Variants in SLC35F3 observed in about 807,000 individuals in gnomAD.
The protein encoded by SLC35F3 is solute carrier family 35 member F3, also known as putative thiamine transporter SLC35F3.
In SLC35F3, 25 loss-of-function variants were observed where a neutral mutation model predicts 49.9. The observed-to-expected ratio is 0.50, with a 90% confidence interval of 0.37 to 0.70. The LOEUF (loss-of-function observed/expected upper bound fraction) is 0.70. SLC35F3 is among the 30% of genes least tolerant of loss of function. The pLI, the probability that SLC35F3 is intolerant of heterozygous loss-of-function variation, is 0.00. For synonymous variants in SLC35F3, 275 were observed against 265.4 expected (o/e 1.04, Z -0.35); for missense variants, 525 against 639.8 (o/e 0.82, Z 1.94).
In SLC35F3 at chr1:234,316,635, G is replaced by C. The variant is rs1311488441; in HGVS notation, c.862G>C (p.Val288Leu). Residue 288 changes from valine to leucine, a missense_variant, in exon 5 of 8, where the codon GTG (valine) becomes CTG (leucine). Val to Leu is a conservative substitution (Grantham distance 32). This residue lies in a region of SLC35F3 where 216 missense variants were observed against 298.1 expected (regional missense o/e 0.72). Coordinates refer to ENST00000366618, the MANE Select transcript of SLC35F3 (RefSeq NM_173508.4). The stretch of plus-strand genomic sequence containing the variant: ...CGCCATCCTCGCCATCGCTGGCATT[G>C]TGATGATGACCTACGCTGATGGCTT... Reference protein sequence around the residue: ...VAAILAIAGIVMMTYADGFHS... With the variant: ...VAAILAIAGILMMTYADGFHS... The C allele has an allele frequency of 6.2e-7, 1 of 1,611,926 alleles. No individual in the cohort carries two copies. The highest frequency in any genetic ancestry group is 8.5e-7 in the Non-Finnish European group (1 of 1,178,272).
intron 1 of SLC35F3, 36 bp downstream of exon 1, chr1:233,905,166 C>A: frequency 6.5e-7 from 1 of 1,548,582 alleles, no homozygotes; most frequent in Non-Finnish European, 8.7e-7. Context: ...AGCGAGCCGG[C>A]GGGCGGGAGG....
At chr1:234,130,411 C>T (rs573014546) in intron 2 of SLC35F3, among the ~76,000 whole-genome samples, 33 of 149,842 alleles carry the variant, frequency 2.2e-4, no homozygotes, top group Non-Finnish European at 3.3e-4. Flanking sequence ...GAGGCCGAGG[C>T]GGGCAGATCA....
At chr1:234,306,573 C>T (rs971177546) in intron 3 of SLC35F3, 6 of 152,388 alleles carry the variant, frequency 3.9e-5, no homozygotes, top group African/African-American at 1.4e-4. Context: ...GGCCAATTGT[C>T]TTGGTCTCAT....
At chr1:234,170,051 G>A (rs1294995834) in intron 2 of SLC35F3, among the ~76,000 whole-genome samples, 1 of 152,192 alleles carries the variant, frequency 6.6e-6, no homozygotes, top group Non-Finnish European at 1.5e-5. Flanking sequence ...ACAGGCGTGA[G>A]CCACTGCACC....
chr1:234,126,520 A>G (rs1281698487), intron 2 of SLC35F3, among the ~76,000 whole-genome samples: 2 of 115,968 alleles, frequency 1.7e-5, no homozygotes, highest in African/African-American at 6.2e-5. Context: ...TTTATTACCT[A>G]TGTAGGTTTA....
intron 2 of SLC35F3, among the ~76,000 whole-genome samples, chr1:234,062,702 C>T (rs750743310): frequency 6.7e-5 from 10 of 148,216 alleles, no homozygotes; most frequent in South Asian, 2.1e-4. Flanking sequence ...TTTTTTGAGA[C>T]GGAGCCTTGC....
intron 2 of SLC35F3, among the ~76,000 whole-genome samples, chr1:234,015,713 G>A (rs1021627597): frequency 6.6e-6 from 1 of 152,086 alleles, no homozygotes; most frequent in Admixed American, 6.6e-5. Flanking sequence ...ACTATAAGAA[G>A]AAGACATAGG....
chr1:234,100,931 T>C (rs112148721), intron 2 of SLC35F3, among the ~76,000 whole-genome samples: 275 of 152,312 alleles, frequency 1.8e-3, no homozygotes, highest in African/African-American at 6.3e-3. Flanking sequence ...GAGCTCTTTT[T>C]GGTGGTGATC....
At chr1:234,267,328 C>T (rs1476260506) in intron 3 of SLC35F3, among the ~76,000 whole-genome samples, 3 of 138,142 alleles carry the variant, frequency 2.2e-5, no homozygotes, top group Admixed American at 7.1e-5. Flanking sequence ...TTTCCCCACC[C>T]TTCCCGCCTT....
chr1:233,990,678 T>G (rs1412804806), intron 2 of SLC35F3, among the ~76,000 whole-genome samples: 1 of 152,186 alleles, frequency 6.6e-6, no homozygotes, highest in Non-Finnish European at 1.5e-5. Flanking sequence ...TTGACTTGAT[T>G]GCAGTAATCA....
At chr1:234,079,807 G>A (rs1664847774) in intron 2 of SLC35F3, among the ~76,000 whole-genome samples, 1 of 152,122 alleles carries the variant, frequency 6.6e-6, no homozygotes, top group East Asian at 1.9e-4. Context: ...TTCATATATT[G>A]CTGGTGAGAA....
chr1:234,236,843 G>A lies in SLC35F3; in HGVS notation c.608+5102G>A, dbSNP rs1667477571. ...TCTTTGATATCTATGTGGGCACGTGGACAGATGTGGATGACAATTGTTGTT... is the reference window on the plus strand; with the variant it reads ...TCTTTGATATCTATGTGGGCACGTGAACAGATGTGGATGACAATTGTTGTT... On this transcript the variant is annotated intron_variant, in intron 3 of 7. Transcript: ENST00000366618. 5.3e-5 allele frequency among the ~76,000 whole-genome samples: 8 copies of A among 150,220 alleles called. No individual in the cohort carries two copies. In the South Asian group the frequency reaches 1.7e-3, roughly 32 times the overall value.
intron 2 of SLC35F3, among the ~76,000 whole-genome samples, chr1:234,121,010 AG>A (rs1452784418): frequency 6.6e-6 from 1 of 152,162 alleles, no homozygotes; most frequent in African/African-American, 2.4e-5. Flanking sequence ...TAAAAATCTT[AG>A]GAACAAACTT....
At chr1:234,187,282 A>G (rs1240730576) in intron 2 of SLC35F3, among the ~76,000 whole-genome samples, 1 of 152,208 alleles carries the variant, frequency 6.6e-6, no homozygotes, top group Non-Finnish European at 1.5e-5. Context: ...AAAACCCACC[A>G]TTCTCACTTG....
intron 2 of SLC35F3, among the ~76,000 whole-genome samples, chr1:234,174,948 A>C (rs542191990): frequency 6.6e-6 from 1 of 152,352 alleles, no homozygotes; most frequent in South Asian, 2.1e-4. Flanking sequence ...CAAAGAGTTC[A>C]GTCCTCCTGG....
chr1:233,970,330 C>T (rs1369311203), intron 2 of SLC35F3, among the ~76,000 whole-genome samples: 5 of 152,180 alleles, frequency 3.3e-5, no homozygotes, highest in African/African-American at 7.2e-5. Flanking sequence ...ATCCAAACAA[C>T]GGCAAGACCC....
Position 234,138,121 on chromosome 1 carries a change from C to T in SLC35F3, c.284-93296C>T, listed in dbSNP as rs182963571. 9.5e-4 allele frequency among the ~76,000 whole-genome samples: 144 copies of T among 152,254 alleles called. No homozygotes were observed. In the Middle Eastern group the frequency reaches 0.031, roughly 32 times the overall value. ...CATGTCTGTGTACTTTGGAGTCAGA[C>T]CTGAAGTTCAGTTTCAACATCTATC... On this transcript the variant is annotated intron_variant, in intron 2 of 7. Transcript: ENST00000366618.
intron 2 of SLC35F3, among the ~76,000 whole-genome samples, chr1:234,063,146 C>A (rs139651565): frequency 6.6e-6 from 1 of 152,098 alleles, no homozygotes; most frequent in Admixed American, 6.5e-5. Context: ...GTCCTGTTCC[C>A]GGACCAAATT....
chr1:234,122,173 C>T (rs1665586639), intron 2 of SLC35F3, among the ~76,000 whole-genome samples: 1 of 152,166 alleles, frequency 6.6e-6, no homozygotes, highest in Non-Finnish European at 1.5e-5. Context: ...AACTAGTTTA[C>T]ACTCCCACCA....
Sources: allele counts gnomAD v4.1 joint callset (sites outside exome capture counted in the v4.1 genomes callset), GRCh38; gene constraint gnomAD v4.1.1; regional missense constraint gnomAD v4.1.1; transcripts MANE v1.5; gene names NCBI Gene and HGNC (gene_info 2026-07-23, HGNC 2026-07-21).